SHOC2: variants seen among roughly 807,000 people sequenced by gnomAD.
SHOC2 encodes leucine-rich repeat protein SHOC-2.
Under a neutral mutation model 50.2 loss-of-function variants are expected in SHOC2, and 4 were observed. That is an observed-to-expected ratio of 0.08 (90% CI 0.04 to 0.18). The LOEUF is 0.18. Ranked by LOEUF, SHOC2 falls within the 10% of genes least tolerant of loss-of-function variation. SHOC2 has a pLI of 1.00. For missense variants in SHOC2, 388 were observed against 669.6 expected, an observed-to-expected ratio of 0.58 and a Z score of 4.64; for synonymous variants, 218 against 244.5, an observed-to-expected ratio of 0.89 and a Z score of 1.01.
At chr10:110,924,890 C>T (rs141748792) in intron 1 of SHOC2, among the ~76,000 whole-genome samples, 5 of 151,306 alleles carry the variant, frequency 3.3e-5, no homozygotes, top group Admixed American at 1.3e-4. Context: ...GCCAATGTAG[C>T]GAAACCCCGT....
At position 110,981,876 on chromosome 10, in the gene SHOC2, T is replaced by C. The variant is rs112999269; in HGVS notation, c.704-3752T>C. The stretch of plus-strand genomic sequence containing the variant: ...TTTATTTATTTATTTATTTATTTTT[T>C]TAAGTTTTAGGGTACATGTGCACAT... On this transcript the variant is annotated intron_variant, in intron 2 of 8. Transcript: ENST00000369452. Among the ~76,000 whole-genome samples the C allele has an allele frequency of 3.3e-3, 451 of 135,474 alleles. 5 individuals carry two copies. Among genetic ancestry groups the C allele is most frequent in the African/African-American group, 0.01 (388 of 37,658 alleles). The allele number at this position is 135,474 out of a possible 152,430, so 88.9% of individuals were successfully genotyped here.
At chr10:110,924,467 A>T (rs770936663) in intron 1 of SHOC2, among the ~76,000 whole-genome samples, 8 of 152,204 alleles carry the variant, frequency 5.3e-5, no homozygotes, top group Non-Finnish European at 7.3e-5. Context: ...GTTTAGGTCC[A>T]CTTGGGCAGT....
chr10:110,925,792 G>A (rs368302702), intron 1 of SHOC2, among the ~76,000 whole-genome samples: 4 of 152,114 alleles, frequency 2.6e-5, no homozygotes, highest in Admixed American at 6.5e-5. Flanking sequence ...CTTCCAGGGC[G>A]TATCATGTGA....
chr10:110,929,298 A>T (rs538709693), intron 1 of SHOC2, among the ~76,000 whole-genome samples: 1 of 152,352 alleles, frequency 6.6e-6, no homozygotes, highest in Non-Finnish European at 1.5e-5. Flanking sequence ...AGCAACTAAG[A>T]ATCACTAATG....
chr10:110,973,441 G>T (rs576000721), intron 2 of SHOC2, among the ~76,000 whole-genome samples: 41 of 152,008 alleles, frequency 2.7e-4, no homozygotes, highest in African/African-American at 8.4e-4. Flanking sequence ...CTAAAATTTT[G>T]TTAAGGATTT....
At chr10:110,930,794 G>T (rs1846881413) in intron 1 of SHOC2, among the ~76,000 whole-genome samples, 1 of 123,172 alleles carries the variant, frequency 8.1e-6, no homozygotes. Context: ...ATAATGTTTG[G>T]TCATTTACCA....
chr10:110,968,556 T>C (rs1213306501), intron 2 of SHOC2, among the ~76,000 whole-genome samples: 10 of 150,922 alleles, frequency 6.6e-5, no homozygotes, highest in Admixed American at 4.0e-4. Context: ...TAAATTTATA[T>C]TATATTAGAT....
intron 1 of SHOC2, chr10:110,937,279 A>T (rs575976039): frequency 2.6e-6 from 2 of 769,112 alleles, no homozygotes; most frequent in South Asian, 2.8e-5. Context: ...TTTTGGTCCA[A>T]TCCTGACTCT....
In SHOC2 at chr10:110,940,937, T is replaced by G. The variant is rs1161975566; in HGVS notation, c.-235+21280T>G. Among the ~76,000 whole-genome samples the G allele has an allele frequency of 4.5e-3, 90 of 19,922 alleles. 4 individuals are homozygous for G. The highest frequency in any genetic ancestry group is 0.014 in the African/African-American group (88 of 6,422). 13.1% of individuals were successfully genotyped at this position (19,922 alleles called of 152,430 possible). On this transcript the variant is annotated intron_variant, in intron 1 of 8. Coordinates refer to ENST00000369452, the MANE Select transcript of SHOC2 (RefSeq NM_007373.4). ...TTTTTTTTTTTTTTTTTTTTTTTTT[T>G]TTTTTTTTTTTGTGACAGGGTCTAG...
chr10:110,926,770 A>C (rs1707553249), intron 1 of SHOC2, among the ~76,000 whole-genome samples: 1 of 152,216 alleles, frequency 6.6e-6, no homozygotes, highest in Non-Finnish European at 1.5e-5. Flanking sequence ...ATTCCATTCA[A>C]AATGATACAA....
At position 110,964,453 on chromosome 10, in the gene SHOC2, G is replaced by C; in HGVS notation, c.95G>C (p.Gly32Ala). The C allele has an allele frequency of 4.3e-6, 7 of 1,613,998 alleles. No individual in the cohort carries two copies. The highest frequency in any genetic ancestry group is 5.9e-6 in the Non-Finnish European group (7 of 1,179,952). Residue 32 changes from glycine (G) to alanine (A), a missense_variant, in exon 2 of 9, where the codon GGA becomes GCA. Physicochemically the swap from Gly to Ala is moderately conservative, Grantham distance 60 (BLOSUM62 0). Coordinates refer to ENST00000369452, the MANE Select transcript of SHOC2 (RefSeq NM_007373.4). The surrounding 1 kb of genome is among the most constrained non-coding windows in gnomAD (Gnocchi z 4.9). ...KEREKEAKAS[G>A]GFGKESKEKE... Reference sequence around the variant, plus strand: ...AGAGAAAAGGAGGCAAAAGCCTCTGGAGGTTTTGGGAAAGAGAGCAAAGAA... The same window carrying C: ...AGAGAAAAGGAGGCAAAAGCCTCTGCAGGTTTTGGGAAAGAGAGCAAAGAA...
intron 1 of SHOC2, among the ~76,000 whole-genome samples, chr10:110,926,613 C>G (rs1040917330): frequency 4.6e-5 from 7 of 152,134 alleles, no homozygotes; most frequent in Admixed American, 2.6e-4. Context: ...TTTATAGCAA[C>G]TTAATGTTAT....
At chr10:110,954,388 TATATG>T (rs1377292212) in intron 1 of SHOC2, among the ~76,000 whole-genome samples, 5 of 152,260 alleles carry the variant, frequency 3.3e-5, no homozygotes, top group African/African-American at 9.6e-5. Flanking sequence ...ACTACCTAGT[TATATG>T]ATAAATGTTT....
At chr10:110,956,135 G>C (rs1388061571) in intron 1 of SHOC2, among the ~76,000 whole-genome samples, 1 of 152,044 alleles carries the variant, frequency 6.6e-6, no homozygotes, top group African/African-American at 2.4e-5. Flanking sequence ...GTATCTGCAT[G>C]TGCCTAATTG....
At chr10:110,988,012 A>G (rs1848113222) in intron 3 of SHOC2, among the ~76,000 whole-genome samples, 1 of 152,156 alleles carries the variant, frequency 6.6e-6, no homozygotes, top group Admixed American at 6.5e-5. Context: ...AAGGCCAAAT[A>G]GTGGTGATAG....
intron 1 of SHOC2, among the ~76,000 whole-genome samples, chr10:110,938,333 T>A (rs1351054504): frequency 6.6e-6 from 1 of 152,176 alleles, no homozygotes; most frequent in South Asian, 2.1e-4. Context: ...GTCTCAAATA[T>A]AAAAACACAT....
At chr10:110,933,892 A>T (rs1408082524) in intron 1 of SHOC2, among the ~76,000 whole-genome samples, 1 of 151,988 alleles carries the variant, frequency 6.6e-6, no homozygotes, top group Non-Finnish European at 1.5e-5. Context: ...GAAAGTTTGG[A>T]TTTTTTTGTG....
chr10:110,950,878 G>T (rs1374773595), intron 1 of SHOC2, among the ~76,000 whole-genome samples: 2 of 152,098 alleles, frequency 1.3e-5, no homozygotes, highest in Non-Finnish European at 2.9e-5. Context: ...ATTACACCAT[G>T]TACAAAAATC....
At chr10:110,961,331 A>G (rs1462866934) in intron 1 of SHOC2, among the ~76,000 whole-genome samples, 3 of 152,198 alleles carry the variant, frequency 2.0e-5, no homozygotes, top group Non-Finnish European at 4.4e-5. Flanking sequence ...AAGAAACATG[A>G]AAGATTACTC....
Sources: gnomAD v4.1 joint callset for allele counts (sites outside exome capture counted in the v4.1 genomes callset) on GRCh38, gnomAD v4.1.1 for gene constraint, Gnocchi (gnomAD v3.1) non-coding constraint, MANE v1.5 for transcripts, NCBI Gene and HGNC (gene_info 2026-07-23, HGNC 2026-07-21) for gene names.